Variants in KHDRBS2 observed in about 807,000 individuals in gnomAD.
KHDRBS2 encodes the protein KH domain-containing, RNA-binding, signal transduction-associated protein 2.
Under a neutral mutation model 44.3 loss-of-function variants are expected in KHDRBS2, and 26 were observed. That is an observed-to-expected ratio of 0.59 (90% CI 0.43 to 0.81). The LOEUF is 0.81. KHDRBS2 is among the 40% of genes least tolerant of loss of function. The pLI is 0.00. For missense variants in KHDRBS2, 476 were observed against 433.1 expected, an observed-to-expected ratio of 1.10 and a Z score of -0.88; for synonymous variants, 194 against 151.1, an observed-to-expected ratio of 1.28 and a Z score of -2.08.
At chr6:62,093,869 T>TGTGTGTGA (rs1554396584) in intron 2 of KHDRBS2, among the ~76,000 whole-genome samples, 4 of 148,684 alleles carry the variant, frequency 2.7e-5, no homozygotes, top group African/African-American at 9.9e-5. Flanking sequence ...TGTGTGTGTG[T>TGTGTGTGA]GTGTGTGTGT....
chr6:61,839,575 T>C (rs1324153973), intron 6 of KHDRBS2, among the ~76,000 whole-genome samples: 9 of 152,134 alleles, frequency 5.9e-5, no homozygotes, highest in African/African-American at 2.2e-4. Flanking sequence ...TAATAAACTC[T>C]CTTACTCTTC....
rs536111222 is a variant in KHDRBS2, at chr6:62,030,990, G to A, written c.336+16888C>T. ...TGAACTACTGACATACACAACAACA[G>A]GGATGACCCTCAAAAGCATTATGTT... On this transcript the variant is annotated intron_variant, in intron 3 of 8. Transcript: ENST00000281156. Among the ~76,000 whole-genome samples, 42 of 152,156 alleles carry A rather than the reference G, an allele frequency of 2.8e-4. No individual in the cohort carries two copies. In the South Asian group the frequency reaches 8.7e-3, roughly 32 times the overall value.
intron 2 of KHDRBS2, among the ~76,000 whole-genome samples, chr6:62,107,801 C>T (rs1253495538): frequency 1.3e-5 from 2 of 152,138 alleles, no homozygotes; most frequent in African/African-American, 4.8e-5. Context: ...ATATCTACAA[C>T]TATCTGGTCT....
intron 6 of KHDRBS2, among the ~76,000 whole-genome samples, chr6:61,771,506 T>C (rs1327145167): frequency 6.6e-6 from 1 of 151,732 alleles, no homozygotes; most frequent in African/African-American, 2.4e-5. Context: ...ACCAAGCAAA[T>C]GGAAGACAAA....
chr6:61,785,153 AAAACAAAC>A (rs146775429), intron 6 of KHDRBS2, among the ~76,000 whole-genome samples: 1 of 150,984 alleles, frequency 6.6e-6, no homozygotes, highest in Non-Finnish European at 1.5e-5. Context: ...TTGTCCTAAA[AAAACAAAC>A]AAACAAACAA....
At chr6:62,193,679 C>T (rs1825055787) in intron 1 of KHDRBS2, among the ~76,000 whole-genome samples, 1 of 152,020 alleles carries the variant, frequency 6.6e-6, no homozygotes, top group Non-Finnish European at 1.5e-5. Flanking sequence ...GTTACTGTAC[C>T]ATTTTACAAT....
At chr6:61,670,829 T>C in the KHDRBS2 span, among the ~76,000 whole-genome samples, 1 of 151,664 alleles carries the variant, frequency 6.6e-6, no homozygotes, top group African/African-American at 2.4e-5. Context: ...TCATTAAATA[T>C]ATTTCTCTTT....
chr6:61,988,000 G>A (rs986536094), intron 3 of KHDRBS2, among the ~76,000 whole-genome samples: 1 of 152,148 alleles, frequency 6.6e-6, no homozygotes, highest in Non-Finnish European at 1.5e-5. Context: ...AAAGAACCAA[G>A]GGTGATATTT....
chr6:62,000,530 A>T (rs1778038469), intron 3 of KHDRBS2, among the ~76,000 whole-genome samples: 2 of 152,210 alleles, frequency 1.3e-5, no homozygotes, highest in South Asian at 4.1e-4. Context: ...TGAGAAAAAA[A>T]TATCAAATTA....
intron 2 of KHDRBS2, among the ~76,000 whole-genome samples, chr6:62,055,645 A>G (rs1790109372): frequency 6.6e-6 from 1 of 152,122 alleles, no homozygotes; most frequent in Middle Eastern, 3.4e-3. Flanking sequence ...AATAGTGGGG[A>G]AAAATGATGA....
intron 1 of KHDRBS2, among the ~76,000 whole-genome samples, chr6:62,268,115 C>A (rs1431142123): frequency 1.3e-5 from 2 of 151,990 alleles, no homozygotes; most frequent in Non-Finnish European, 2.9e-5. Context: ...AAATTCATTT[C>A]TCTTCCTGTC....
chr6:62,211,698 A>G (rs1252164093), intron 1 of KHDRBS2, among the ~76,000 whole-genome samples: 2 of 152,192 alleles, frequency 1.3e-5, no homozygotes, highest in African/African-American at 2.4e-5. Context: ...ACTCTTATAC[A>G]CTGTTGGTGG....
intron 7 of KHDRBS2, among the ~76,000 whole-genome samples, chr6:61,705,319 G>A (rs1443064899): frequency 6.6e-6 from 1 of 151,654 alleles, no homozygotes; most frequent in Non-Finnish European, 1.5e-5. Context: ...TAAGTAATCT[G>A]TATCTTTAAC....
intron 4 of KHDRBS2, among the ~76,000 whole-genome samples, chr6:61,929,795 A>G (rs1482318635): frequency 6.6e-6 from 1 of 152,150 alleles, no homozygotes; most frequent in Non-Finnish European, 1.5e-5. Flanking sequence ...TTTCCTACAG[A>G]TATATATTAT....
intron 2 of KHDRBS2, among the ~76,000 whole-genome samples, chr6:62,116,316 C>G (rs1249365555): frequency 6.6e-6 from 1 of 152,120 alleles, no homozygotes; most frequent in Non-Finnish European, 1.5e-5. Flanking sequence ...TGTCTAACTG[C>G]AACTTGGTCC....
intron 3 of KHDRBS2, among the ~76,000 whole-genome samples, chr6:62,011,712 T>C (rs573925307): frequency 6.6e-6 from 1 of 152,294 alleles, no homozygotes; most frequent in Admixed American, 6.5e-5. Flanking sequence ...TTTTTATGAT[T>C]TTTGTGACTA....
At chr6:61,779,660 C>A (rs1218694515) in intron 6 of KHDRBS2, among the ~76,000 whole-genome samples, 1 of 91,966 alleles carries the variant, frequency 1.1e-5, no homozygotes, top group African/African-American at 5.7e-5. Context: ...TATGGCACTG[C>A]AGAAATGACG....
chr6:62,226,258 T>C (rs1350556120), intron 1 of KHDRBS2, among the ~76,000 whole-genome samples: 1 of 152,228 alleles, frequency 6.6e-6, no homozygotes, highest in Non-Finnish European at 1.5e-5. Context: ...TATCTTATTG[T>C]AATTTTGATT....
intron 4 of KHDRBS2, among the ~76,000 whole-genome samples, chr6:61,956,692 C>G (rs924324893): frequency 3.9e-5 from 6 of 152,160 alleles, no homozygotes; most frequent in African/African-American, 1.4e-4. Flanking sequence ...CCCCTATATT[C>G]TTGGCCACTG....
Sources: gnomAD v4.1 joint callset for allele counts (sites outside exome capture counted in the v4.1 genomes callset) on GRCh38, gnomAD v4.1.1 for gene constraint, MANE v1.5 for transcripts, NCBI Gene and HGNC (gene_info 2026-07-23, HGNC 2026-07-21) for gene names.